Variants in RFXANK observed in about 807,000 individuals in gnomAD.
RFXANK encodes the protein regulatory factor X associated ankyrin containing protein.
RFXANK carries 19 observed loss-of-function variants against 34.5 expected under a neutral mutation model. The ratio of observed to expected loss-of-function variants is 0.55; its 90% CI spans 0.38 to 0.81. The LOEUF (loss-of-function observed/expected upper bound fraction) is 0.81. Among genes scored for constraint, RFXANK ranks in the 30% least tolerant of loss-of-function variants. RFXANK has a pLI of 0.00. For missense variants in RFXANK, 295 were observed against 343.5 expected, an observed-to-expected ratio of 0.86 and a Z score of 1.12; for synonymous variants, 154 against 149.8, an observed-to-expected ratio of 1.03 and a Z score of -0.20.
chr19:19,198,164 A>G lies in RFXANK; in HGVS notation c.496A>G (p.Thr166Ala). ...ERESALSLAS[T>A]GGYTDIVGLL... ...AGAGAGCGCCCTGTCGCTGGCCAGC[A>G]CAGGCGGCTACACAGACATTGTGGG... The change falls in exon 7 of 10, where the codon ACA becomes GCA. Residue 166 changes from threonine to alanine, a missense_variant. Coordinates refer to ENST00000303088, the MANE Select transcript of RFXANK (RefSeq NM_003721.4). 3 of 1,614,180 alleles carry G rather than the reference A, an allele frequency of 1.9e-6. No individual in the cohort carries two copies. Among genetic ancestry groups the G allele is most frequent in the Non-Finnish European group, 2.5e-6 (3 of 1,180,020 alleles).
In RFXANK at chr19:19,199,267, T is replaced by C. The variant is rs746794878; in HGVS notation, c.712+33T>C. 5.6e-6 allele frequency: 9 copies of C among 1,605,172 alleles called. No homozygotes were observed. The South Asian group carries it at 9.9e-5, about 18-fold the overall frequency. On this transcript the variant is annotated intron_variant, in intron 9 of 9. Transcript: ENST00000303088. Reference sequence around the variant, plus strand: ...TGAGACACACAGAGCAGGGGTGGGGTCCCTTCCATAGGCAGGGTGACCATA... The same window carrying C: ...TGAGACACACAGAGCAGGGGTGGGGCCCCTTCCATAGGCAGGGTGACCATA...
Position 19,198,740 on chromosome 19 carries a change from A to C in RFXANK, c.631+17A>C. The stretch of plus-strand genomic sequence containing the variant: ...CCTTGCTGGGTGAGTGGGAGTCGGG[A>C]GTGGCCCTGGGGGCCCCAGCACTCC... On this transcript the variant is annotated intron_variant, in intron 8 of 9. Coordinates refer to ENST00000303088, the MANE Select transcript of RFXANK (RefSeq NM_003721.4). The C allele has an allele frequency of 6.2e-7, 1 of 1,613,654 alleles. No individual in the cohort carries two copies. Among genetic ancestry groups the C allele is most frequent in the Non-Finnish European group, 8.5e-7 (1 of 1,179,954 alleles).
intron 5 of RFXANK, 65 bp downstream of exon 5, chr19:19,197,316 T>TGGAC: frequency 1.3e-6 from 2 of 1,513,690 alleles, no homozygotes; most frequent in Non-Finnish European, 1.8e-6. Context: ...TGGGTGTCCA[T>TGGAC]ACCCACTCAT....
At chr19:19,198,369 G>A (rs1316437098) in intron 7 of RFXANK, 137 bp downstream of exon 7, 35 of 1,363,050 alleles carry the variant, frequency 2.6e-5, no homozygotes, top group Non-Finnish European at 3.5e-5. Flanking sequence ...CAGCCTCACA[G>A]AGCAGAGCTC....
At chr19:19,199,041 G>A in intron 8 of RFXANK, 113 bp from the exon 9 acceptor site, 2 of 1,084,550 alleles carry the variant, frequency 1.8e-6, no homozygotes. Context: ...GCAACGGGCA[G>A]ACCCACGGCT....
chr19:19,193,416 T>C (rs921108249), intron 2 of RFXANK, among the ~76,000 whole-genome samples: 1 of 136,266 alleles, frequency 7.3e-6, no homozygotes, highest in African/African-American at 2.8e-5. Context: ...TCCTTTCTTT[T>C]TTTTTTTTTT....
Sources: allele counts gnomAD v4.1 joint callset (sites outside exome capture counted in the v4.1 genomes callset), GRCh38; gene constraint gnomAD v4.1.1; transcripts MANE v1.5; gene names NCBI Gene and HGNC (gene_info 2026-07-23, HGNC 2026-07-21).